The following ZNF547 variants were observed in gnomAD, a reference collection of about 807,000 sequenced individuals.
ZNF547 encodes the protein zinc finger protein 547.
Under a neutral mutation model 7.7 loss-of-function variants are expected in ZNF547, and 4 were observed. That is an observed-to-expected ratio of 0.52 (90% CI 0.26 to 1.20). The LOEUF (loss-of-function observed/expected upper bound fraction) is 1.20. ZNF547 is among the 50% of genes most tolerant of loss of function. ZNF547 has a pLI of 0.14. For missense variants in ZNF547, 449 were observed against 485.8 expected, an observed-to-expected ratio of 0.92 and a Z score of 0.71; for synonymous variants, 166 against 166.2, an observed-to-expected ratio of 1.00 and a Z score of 0.01.
chr19:57,368,664 G>C, intron 2 of ZNF547, 85 bp downstream of exon 2: 3 of 1,327,592 alleles, frequency 2.3e-6, no homozygotes, highest in African/African-American at 1.4e-5. Flanking sequence ...GTGGTGTCCA[G>C]AGACTCTCTT....
Position 57,377,528 on chromosome 19 carries a change from T to A in ZNF547, c.552T>A (p.Tyr184Ter), listed in dbSNP as rs762753471. 6 of 1,614,184 alleles carry A rather than the reference T, an allele frequency of 3.7e-6. No homozygotes were observed. The South Asian group carries it at 6.6e-5, about 18-fold the overall frequency. ...AAATCCACACTGGAGAAAGAACTTATAAGTGCAGCAAATGTGGGATATTGT... is the reference window on the plus strand; with the variant it reads ...AAATCCACACTGGAGAAAGAACTTAAAAGTGCAGCAAATGTGGGATATTGT... ...HQKIHTGERT[Y>*]KCSKCGILFM... Residue 184 changes from tyrosine (Y) to a stop codon, truncating the protein, a stop_gained, in exon 4 of 4, where the codon TAT becomes TAA. Transcript: ENST00000282282. LOFTEE classifies it low-confidence loss of function (END_TRUNC).
intron 1 of ZNF547, among the ~76,000 whole-genome samples, chr19:57,367,488 T>C (rs1021365550): frequency 8.1e-6 from 1 of 122,744 alleles, no homozygotes. Context: ...AGGATCCAAT[T>C]TGGTAGGGAA....
intron 1 of ZNF547, among the ~76,000 whole-genome samples, chr19:57,367,226 G>A (rs2088476451): frequency 6.6e-6 from 1 of 152,168 alleles, no homozygotes; most frequent in African/African-American, 2.4e-5. Flanking sequence ...TTGTTCCTAT[G>A]ATAAGTAGAT....
At chr19:57,364,382 T>C (rs745728025) in intron 1 of ZNF547, 3 of 170,148 alleles carry the variant, frequency 1.8e-5, no homozygotes, top group Non-Finnish European at 3.9e-5. Flanking sequence ...AAGTTGAAAA[T>C]GTCACATGGG....
intron 1 of ZNF547, 77 bp from the exon 2 acceptor site, chr19:57,368,467 G>C: frequency 7.1e-7 from 1 of 1,412,542 alleles, no homozygotes; most frequent in Non-Finnish European, 1.0e-6. Flanking sequence ...GGGTAAGGAA[G>C]AAGAGATGGT....
Position 57,378,006 on chromosome 19 carries a change from A to G in ZNF547, c.1030A>G (p.Arg344Gly). 1 of 1,614,178 alleles carries G rather than the reference A, an allele frequency of 6.2e-7. No homozygotes were observed. Residue 344 changes from arginine (R) to glycine (G), a missense_variant, in exon 4 of 4, where the codon AGA becomes GGA. Coordinates refer to ENST00000282282, the MANE Select transcript of ZNF547 (RefSeq NM_173631.4). ...GAAATCCGTCCTCATTCAACACCAAAGAGTTCACACTGGAGAACGGCCTTA... is the reference window on the plus strand; with the variant it reads ...GAAATCCGTCCTCATTCAACACCAAGGAGTTCACACTGGAGAACGGCCTTA... Reference protein sequence around the residue: ...SLKSVLIQHQRVHTGERPYEC... With the variant: ...SLKSVLIQHQGVHTGERPYEC...
intron 1 of ZNF547, among the ~76,000 whole-genome samples, chr19:57,367,249 T>G (rs545987174): frequency 6.6e-5 from 10 of 152,146 alleles, no homozygotes; most frequent in Non-Finnish European, 1.5e-4. Context: ...TACTGTAAAA[T>G]AGTAAATGTC....
chr19:57,364,467 G>GATGATGAAAAAA, intron 1 of ZNF547: 1 of 259,636 alleles, frequency 3.9e-6, no homozygotes, highest in Non-Finnish European at 7.6e-6. Flanking sequence ...GGGTGGCCGG[G>GATGATGAAAAAA]CGTGGTGGCT....
intron 1 of ZNF547, 75 bp downstream of exon 1, chr19:57,363,778 C>A (rs1377364162): frequency 6.9e-6 from 1 of 144,470 alleles, no homozygotes; most frequent in Non-Finnish European, 1.5e-5. Context: ...ATAGAAGGGG[C>A]CCTGCAGGTC....
chr19:57,368,676 C>G (rs188485018), intron 2 of ZNF547, 97 bp downstream of exon 2: 1 of 1,164,652 alleles, frequency 8.6e-7, no homozygotes, highest in East Asian at 2.4e-5. Context: ...GACTCTCTTT[C>G]TGTCTTTCTC....
In ZNF547 at chr19:57,378,979, C is replaced by T; in HGVS notation, c.*794C>T. The T allele has an allele frequency of 5.7e-6, 1 of 175,740 alleles. No individual in the cohort carries two copies. Among genetic ancestry groups the T allele is most frequent in the Non-Finnish European group, 1.2e-5 (1 of 82,002 alleles). 10.9% of individuals were successfully genotyped at this position (175,740 alleles called of 1,614,324 possible). On this transcript the variant is annotated 3_prime_UTR_variant, in exon 4 of 4. Coordinates refer to ENST00000282282, the MANE Select transcript of ZNF547 (RefSeq NM_173631.4). ...TATTTTTTTTCACTTAGGATAATAT[C>T]CTCAAAGTTCATTCATTTTTTAGCA...
chr19:57,378,167 G>A lies in ZNF547; in HGVS notation c.1191G>A (p.Gln397=), dbSNP rs1392035760. The A allele has an allele frequency of 2.5e-6, 4 of 1,608,466 alleles. No individual in the cohort carries two copies. Among genetic ancestry groups the A allele is most frequent in the Non-Finnish European group, 3.4e-6 (4 of 1,175,890 alleles). Residue 397 remains glutamine, a synonymous_variant, in exon 4 of 4, where the codon CAG becomes CAA. Transcript: ENST00000282282. Reference sequence around the variant, plus strand: ...ATAACTCTACACTTCTCAGACATCAGAAAGTCCACACTGGATAAGGCCCTT... The same window carrying A: ...ATAACTCTACACTTCTCAGACATCAAAAAGTCCACACTGGATAAGGCCCTT... ...FRYNSTLLRH[Q]KVHTG
chr19:57,377,450 C>T lies in ZNF547; in HGVS notation c.474C>T (p.Cys158=), dbSNP rs1259986285. The T allele has an allele frequency of 5.0e-6, 8 of 1,614,248 alleles. No individual in the cohort carries two copies. The East Asian group carries it at 6.7e-5, about 13-fold the overall frequency. ...RVHMAGKTFL[C]SECGKAFSHK... The stretch of plus-strand genomic sequence containing the variant: ...ACATGGCAGGGAAGACCTTCTTGTG[C>T]AGTGAATGTGGGAAAGCCTTTAGCC... Residue 158 remains cysteine, a synonymous_variant, in exon 4 of 4, where the codon TGC becomes TGT. Transcript: ENST00000282282.
rs1046769967 is a variant in ZNF547 at position 57,378,025 on chromosome 19, G to T, written c.1049G>T (p.Arg350Leu). 1 of 1,613,960 alleles carries T rather than the reference G, an allele frequency of 6.2e-7. No individual in the cohort carries two copies. Among genetic ancestry groups the T allele is most frequent in the African/African-American group, 1.3e-5 (1 of 74,882 alleles). Residue 350 changes from arginine to leucine, a missense_variant, in exon 4 of 4, where the codon CGG becomes CTG. Coordinates refer to ENST00000282282, the MANE Select transcript of ZNF547 (RefSeq NM_173631.4). ...IQHQRVHTGE[R>L]PYECSECGKA... Reference sequence around the variant, plus strand: ...CACCAAAGAGTTCACACTGGAGAACGGCCTTATGAATGCAGTGAGTGTGGG... The same window carrying T: ...CACCAAAGAGTTCACACTGGAGAACTGCCTTATGAATGCAGTGAGTGTGGG...
intron 2 of ZNF547, among the ~76,000 whole-genome samples, chr19:57,370,201 C>G (rs370757265): frequency 6.6e-6 from 1 of 152,052 alleles, no homozygotes; most frequent in African/African-American, 2.4e-5. Context: ...CATAGTTCTT[C>G]AGGCTTAACA....
Position 57,378,159 on chromosome 19 carries a change from A to C in ZNF547, c.1183A>C (p.Arg395=), listed in dbSNP as rs1158522216. ...CTTTAGGTATAACTCTACACTTCTC[A>C]GACATCAGAAAGTCCACACTGGATA... ...KFFRYNSTLL[R]HQKVHTG Residue 395 remains arginine, a synonymous_variant, in exon 4 of 4, where the codon AGA becomes CGA. Coordinates refer to ENST00000282282, the MANE Select transcript of ZNF547 (RefSeq NM_173631.4). The C allele has an allele frequency of 3.2e-5, 52 of 1,609,170 alleles. No individual in the cohort carries two copies. The highest frequency in any genetic ancestry group is 4.3e-5 in the Non-Finnish European group (50 of 1,176,266).
At chr19:57,368,911 G>T (rs1363491939) in intron 2 of ZNF547, among the ~76,000 whole-genome samples, 2 of 152,184 alleles carry the variant, frequency 1.3e-5, no homozygotes, top group African/African-American at 2.4e-5. Context: ...GACTGAACTG[G>T]ATTTTTAGGG....
At chr19:57,376,086 C>G (rs1316267779) in intron 3 of ZNF547, among the ~76,000 whole-genome samples, 1 of 152,168 alleles carries the variant, frequency 6.6e-6, no homozygotes, top group African/African-American at 2.4e-5. Flanking sequence ...TCACTTGAAC[C>G]CAGGATGCAG....
intron 1 of ZNF547, chr19:57,364,728 G>T: frequency 1.1e-6 from 1 of 951,298 alleles, no homozygotes; most frequent in South Asian, 1.5e-5. Flanking sequence ...GCGACAGAGC[G>T]AGATTCCGTG....
Sources: gnomAD v4.1 joint callset for allele counts (sites outside exome capture counted in the v4.1 genomes callset) on GRCh38, gnomAD v4.1.1 for gene constraint, MANE v1.5 for transcripts, NCBI Gene and HGNC (gene_info 2026-07-23, HGNC 2026-07-21) for gene names.